EEA1: variants seen among roughly 807,000 people sequenced by gnomAD.
EEA1 encodes the protein early endosome antigen 1, 162kD.
EEA1 carries 111 observed loss-of-function variants against 209.2 expected under a neutral mutation model. The observed-to-expected ratio is 0.53, with a 90% CI of 0.45 to 0.62. The LOEUF is 0.62. EEA1 is among the 20% of genes least tolerant of loss of function. EEA1 has a pLI of 0.00. For synonymous variants in EEA1, 536 were observed against 540.6 expected (o/e 0.99, Z 0.12); for missense variants, 1,343 against 1,530.8 (o/e 0.88, Z 2.05).
At chr12:92,856,516 T>C (rs1877888380) in intron 5 of EEA1, among the ~76,000 whole-genome samples, 1 of 152,064 alleles carries the variant, frequency 6.6e-6, no homozygotes, top group Non-Finnish European at 1.5e-5. Flanking sequence ...AAACTTAACA[T>C]TGTTAATAGA....
chr12:92,924,149 A>C (rs1230663184), intron 1 of EEA1, among the ~76,000 whole-genome samples: 1 of 151,594 alleles, frequency 6.6e-6, no homozygotes, highest in African/African-American at 2.4e-5. Context: ...AGAAAGTTAA[A>C]CACCAAAAAC....
chr12:92,866,412 A>G (rs978048096), intron 2 of EEA1, among the ~76,000 whole-genome samples: 3 of 152,048 alleles, frequency 2.0e-5, no homozygotes, highest in Non-Finnish European at 2.9e-5. Flanking sequence ...TGTGTGTGGC[A>G]GTGGTGCTTC....
At chr12:92,878,633 G>C (rs370387666) in intron 2 of EEA1, among the ~76,000 whole-genome samples, 14 of 152,168 alleles carry the variant, frequency 9.2e-5, no homozygotes, top group African/African-American at 3.1e-4. Context: ...TAAGTAGATG[G>C]AGGAAATTAA....
intron 13 of EEA1, among the ~76,000 whole-genome samples, chr12:92,823,416 A>C (rs750525574): frequency 1.3e-5 from 2 of 152,194 alleles, no homozygotes; most frequent in African/African-American, 2.4e-5. Context: ...TTATCCTTGT[A>C]ACTTCTATCT....
rs751868999 is a variant in EEA1, at chr12:92,891,693, G to T, written c.53C>A (p.Ser18Tyr). ...RTPGRVGSQGSDLDSSATPIN... is the reference protein window; with the variant it reads ...RTPGRVGSQGYDLDSSATPIN... ...AGGAGTTGCTGATGAATCTAAATCA[G>T]AACCTTGAGAGCCAACTCTCCCAGG... Residue 18 changes from serine (S) to tyrosine (Y), a missense_variant, in exon 2 of 29, where the codon TCT (serine) becomes TAT (tyrosine). Ser to Tyr is a moderately radical substitution (Grantham distance 144). Around this residue, in one of 3 missense-constraint regions of EEA1, gnomAD observed 1,307 missense variants for 1,465.5 expected, o/e 0.89. Transcript: ENST00000322349. The T allele has an allele frequency of 5.0e-6, 8 of 1,609,742 alleles. No homozygotes were observed. Among genetic ancestry groups the T allele is most frequent in the Non-Finnish European group, 6.8e-6 (8 of 1,178,706 alleles).
At chr12:92,880,544 G>C (rs760488735) in intron 2 of EEA1, among the ~76,000 whole-genome samples, 3 of 152,088 alleles carry the variant, frequency 2.0e-5, no homozygotes, top group Non-Finnish European at 4.4e-5. Flanking sequence ...ATGCAATCTC[G>C]GCTCACTGTA....
At chr12:92,795,694 T>C (rs1383406927) in intron 21 of EEA1, among the ~76,000 whole-genome samples, 1 of 152,230 alleles carries the variant, frequency 6.6e-6, no homozygotes, top group Non-Finnish European at 1.5e-5. Context: ...CTGATCTCCC[T>C]ATACAGTATC....
chr12:92,873,599 T>C (rs1407805267), intron 2 of EEA1, among the ~76,000 whole-genome samples: 1 of 152,048 alleles, frequency 6.6e-6, no homozygotes, highest in Non-Finnish European at 1.5e-5. Context: ...TCACTTAGAA[T>C]AGCAAGGAGA....
At chr12:92,795,134 T>G (rs1288320220) in intron 21 of EEA1, among the ~76,000 whole-genome samples, 2 of 152,236 alleles carry the variant, frequency 1.3e-5, no homozygotes, top group Non-Finnish European at 2.9e-5. Context: ...TAGAATAAAA[T>G]ATACCATTCT....
intron 9 of EEA1, among the ~76,000 whole-genome samples, chr12:92,850,647 G>A (rs555291921): frequency 5.1e-4 from 59 of 116,746 alleles, no homozygotes; most frequent in Middle Eastern, 0.017. Context: ...CTGAGATCAC[G>A]CCACTGCACT....
intron 21 of EEA1, among the ~76,000 whole-genome samples, chr12:92,789,153 G>A (rs552983751): frequency 6.6e-6 from 1 of 152,060 alleles, no homozygotes; most frequent in South Asian, 2.1e-4. Context: ...AGCTGGGCAT[G>A]GTGGTGGACA....
intron 10 of EEA1, among the ~76,000 whole-genome samples, chr12:92,842,014 A>T (rs568343231): frequency 5.9e-5 from 9 of 152,362 alleles, no homozygotes; most frequent in Non-Finnish European, 1.5e-5. Context: ...ACAAAATGTT[A>T]TTCAGCCTTA....
chr12:92,907,000 G>C (rs1204723156), intron 1 of EEA1, among the ~76,000 whole-genome samples: 1 of 152,072 alleles, frequency 6.6e-6, no homozygotes, highest in Non-Finnish European at 1.5e-5. Flanking sequence ...TAAATGGATA[G>C]ACAAAGGGCT....
At chr12:92,852,874 G>C (rs375745503) in intron 7 of EEA1, 38 bp downstream of exon 7, 64 of 1,451,478 alleles carry the variant, frequency 4.4e-5, no homozygotes, top group Non-Finnish European at 5.8e-5. Context: ...AAGGTAATGA[G>C]ATTGATTTAT....
At chr12:92,876,966 CAG>C (rs1242536669) in intron 2 of EEA1, among the ~76,000 whole-genome samples, 3 of 146,360 alleles carry the variant, frequency 2.0e-5, no homozygotes, top group South Asian at 2.1e-4. Flanking sequence ...GTTTTTGAGA[CAG>C]AGTCTTGCTT....
At chr12:92,826,308 A>G (rs778346756) in intron 12 of EEA1, 23 bp from the exon 13 acceptor site, 5 of 1,600,150 alleles carry the variant, frequency 3.1e-6, no homozygotes, top group Admixed American at 1.7e-5. Flanking sequence ...TAGATTGTCA[A>G]TTGAGAACTT....
At chr12:92,921,973 G>T (rs1228349266) in intron 1 of EEA1, among the ~76,000 whole-genome samples, 1 of 151,520 alleles carries the variant, frequency 6.6e-6, no homozygotes, top group Non-Finnish European at 1.5e-5. Context: ...TTTCCATGTA[G>T]TCTGTACTCC....
chr12:92,889,168 A>C (rs1210399101), intron 2 of EEA1, among the ~76,000 whole-genome samples: 3 of 151,900 alleles, frequency 2.0e-5, no homozygotes, highest in Admixed American at 6.6e-5. Context: ...AAAAAAAAAA[A>C]AACACTAAAT....
chr12:92,921,186 T>C (rs1237211017), intron 1 of EEA1, among the ~76,000 whole-genome samples: 1 of 147,562 alleles, frequency 6.8e-6, no homozygotes, highest in East Asian at 2.0e-4. Flanking sequence ...TGGAAGTCAG[T>C]GTGGCGATTC....
Sources: allele counts gnomAD v4.1 joint callset (sites outside exome capture counted in the v4.1 genomes callset), GRCh38; gene constraint gnomAD v4.1.1; regional missense constraint gnomAD v4.1.1; transcripts MANE v1.5; gene names NCBI Gene and HGNC (gene_info 2026-07-23, HGNC 2026-07-21).